TCF12: variants seen among roughly 807,000 people sequenced by gnomAD.
The protein encoded by TCF12 is DNA-binding protein HTF4.
Under a neutral mutation model 86.0 loss-of-function variants are expected in TCF12, and 45 were observed. The ratio of observed to expected loss-of-function variants is 0.52; its 90% CI spans 0.41 to 0.67. The LOEUF is 0.67. Ranked by LOEUF, TCF12 falls within the 30% of genes least tolerant of loss-of-function variation. TCF12 has a pLI of 0.00. For missense variants in TCF12, 881 were observed against 859.9 expected (o/e 1.02, Z -0.31); for synonymous variants, 330 against 299.6 (o/e 1.10, Z -1.05).
At chr15:56,974,035 A>AT (rs1278266189) in intron 3 of TCF12, among the ~76,000 whole-genome samples, 1 of 152,148 alleles carries the variant, frequency 6.6e-6, no homozygotes, top group Non-Finnish European at 1.5e-5. Context: ...GATGCCACAA[A>AT]TAAGTGCGTT....
intron 3 of TCF12, among the ~76,000 whole-genome samples, chr15:56,976,989 C>G (rs1414656501): frequency 6.6e-6 from 1 of 152,048 alleles, no homozygotes; most frequent in Non-Finnish European, 1.5e-5. Flanking sequence ...ATTTCAAGTG[C>G]TCAATAGCTA....
In TCF12 at chr15:56,941,873, C is replaced by A. The variant is rs556073364; in HGVS notation, c.148+20775C>A. Reference sequence around the variant, plus strand: ...AGATTATAATTCTCATCTCAGTAATCTTCTTTAGAACAAAACATTCTTCAT... The same window carrying A: ...AGATTATAATTCTCATCTCAGTAATATTCTTTAGAACAAAACATTCTTCAT... On this transcript the variant is annotated intron_variant, in intron 3 of 20. Transcript: ENST00000333725. Among the ~76,000 whole-genome samples the A allele has an allele frequency of 5.9e-5, 9 of 152,206 alleles. No homozygotes were observed. In the South Asian group the frequency reaches 6.2e-4, roughly 11 times the overall value.
intron 5 of TCF12, among the ~76,000 whole-genome samples, chr15:57,155,999 A>G (rs1409288823): frequency 6.6e-6 from 1 of 152,176 alleles, no homozygotes; most frequent in Non-Finnish European, 1.5e-5. Flanking sequence ...AAAAAATTTC[A>G]TTGACATTTT....
intron 13 of TCF12, chr15:57,247,941 T>C (rs1190580290): frequency 2.7e-6 from 2 of 753,942 alleles, no homozygotes; most frequent in African/African-American, 3.4e-5. Flanking sequence ...TAAAAAGTTT[T>C]TGCAAAAGCT....
chr15:57,198,990 G>C (rs1334982782), intron 8 of TCF12, among the ~76,000 whole-genome samples: 2 of 152,130 alleles, frequency 1.3e-5, no homozygotes, highest in Admixed American at 1.3e-4. Context: ...AGTCGAATTT[G>C]AAATCCTCTC....
chr15:57,271,301 G>T (rs2061130360), intron 18 of TCF12, among the ~76,000 whole-genome samples: 1 of 152,202 alleles, frequency 6.6e-6, no homozygotes, highest in African/African-American at 2.4e-5. Flanking sequence ...AATGGTGGAT[G>T]CCCCTCCCCC....
At chr15:57,262,413 C>T (rs1305501119) in intron 17 of TCF12, among the ~76,000 whole-genome samples, 2 of 152,106 alleles carry the variant, frequency 1.3e-5, no homozygotes, top group African/African-American at 2.4e-5. Flanking sequence ...AATAGAGCCA[C>T]GTACAGACCA....
At chr15:57,068,781 T>G (rs921398674) in intron 4 of TCF12, among the ~76,000 whole-genome samples, 1 of 152,178 alleles carries the variant, frequency 6.6e-6, no homozygotes, top group Non-Finnish European at 1.5e-5. Flanking sequence ...ACTTGTACTG[T>G]GTGACCATGG....
intron 5 of TCF12, among the ~76,000 whole-genome samples, chr15:57,100,779 C>T (rs1238149342): frequency 2.6e-5 from 4 of 152,110 alleles, no homozygotes; most frequent in African/African-American, 7.2e-5. Flanking sequence ...GAAGAATTAG[C>T]AGTAGCTTGA....
At chr15:57,249,104 A>G (rs546497634) in intron 13 of TCF12, among the ~76,000 whole-genome samples, 17 of 152,350 alleles carry the variant, frequency 1.1e-4, no homozygotes, top group African/African-American at 3.8e-4. Flanking sequence ...GTATTTTTCA[A>G]AATCGATTAT....
chr15:57,016,962 A>G (rs548233577), intron 3 of TCF12, among the ~76,000 whole-genome samples: 1 of 152,174 alleles, frequency 6.6e-6, no homozygotes, highest in East Asian at 1.9e-4. Flanking sequence ...GCAGACATCC[A>G]TTTGGGCTCA....
intron 5 of TCF12, among the ~76,000 whole-genome samples, chr15:57,147,498 T>C (rs954352125): frequency 6.6e-6 from 1 of 151,886 alleles, no homozygotes; most frequent in Non-Finnish European, 1.5e-5. Flanking sequence ...TTTTATACTT[T>C]TTTTAAAGCT....
At chr15:57,020,710 G>A (rs2065426248) in intron 3 of TCF12, among the ~76,000 whole-genome samples, 1 of 152,078 alleles carries the variant, frequency 6.6e-6, no homozygotes, top group Non-Finnish European at 1.5e-5. Context: ...TTTTTTATAT[G>A]GGCAGTTAGG....
intron 4 of TCF12, among the ~76,000 whole-genome samples, chr15:57,087,697 T>G (rs990433374): frequency 1.3e-5 from 2 of 152,134 alleles, no homozygotes; most frequent in African/African-American, 4.8e-5. Flanking sequence ...AAATTAATGG[T>G]TTTTGTAATC....
intron 12 of TCF12, among the ~76,000 whole-genome samples, chr15:57,239,824 A>G (rs1348034512): frequency 1.3e-5 from 2 of 152,076 alleles, no homozygotes; most frequent in East Asian, 3.9e-4. Context: ...AAGGATGGGA[A>G]GCTTGGGGTG....
In TCF12 at chr15:56,960,883, T is replaced by C. The variant is rs2061717878; in HGVS notation, c.148+39785T>C. Among the ~76,000 whole-genome samples the C allele has an allele frequency of 2.0e-5, 3 of 151,984 alleles. No individual in the cohort carries two copies. The South Asian group carries it at 6.3e-4, about 32-fold the overall frequency. On this transcript the variant is annotated intron_variant, in intron 3 of 20. Transcript: ENST00000333725. ...GGCCGGGCACAGTGGCTCACACCTG[T>C]AATCCCAGCACTTTGGGAGGCTGAG...
intron 20 of TCF12, among the ~76,000 whole-genome samples, chr15:57,284,424 G>C (rs1469260463): frequency 6.6e-6 from 1 of 152,130 alleles, no homozygotes; most frequent in East Asian, 1.9e-4. Context: ...TGCCCAGCCT[G>C]GTCTCAAACT....
intron 3 of TCF12, among the ~76,000 whole-genome samples, chr15:57,011,867 A>G (rs767110641): frequency 9.9e-5 from 15 of 152,214 alleles, no homozygotes; most frequent in Non-Finnish European, 1.5e-4. Context: ...AAGGGCTTGT[A>G]AGAGAAGTGA....
chr15:57,285,835 G>A (rs2061911395), intron 20 of TCF12, among the ~76,000 whole-genome samples: 2 of 152,184 alleles, frequency 1.3e-5, no homozygotes. Context: ...GACTGAGGTG[G>A]GAGGATTGCT....
Sources: gnomAD v4.1 joint callset for allele counts (sites outside exome capture counted in the v4.1 genomes callset) on GRCh38, gnomAD v4.1.1 for gene constraint, MANE v1.5 for transcripts, NCBI Gene and HGNC (gene_info 2026-07-23, HGNC 2026-07-21) for gene names.